The following ALG1 variants were observed in gnomAD, a reference collection of about 807,000 sequenced individuals.
ALG1 encodes the protein ALG1 chitobiosyldiphosphodolichol beta-mannosyltransferase.
A neutral mutation model predicts 55.1 loss-of-function variants in ALG1; 58 were observed. That is an observed-to-expected ratio of 1.05 (90% CI 0.85 to 1.31). The LOEUF is 1.31. Among genes scored for constraint, ALG1 ranks in the 50% most tolerant of loss-of-function variants. The probability of loss-of-function intolerance (pLI) is 0.00; values close to 1 mark genes in which losing one functional copy is unlikely to be tolerated. For missense variants in ALG1, 761 were observed against 598.6 expected (o/e 1.27, Z -2.83); for synonymous variants, 309 against 247.0 (o/e 1.25, Z -2.35).
intron 4 of ALG1, among the ~76,000 whole-genome samples, chr16:5,076,705 G>T (rs963179260): frequency 8.6e-5 from 13 of 151,926 alleles, no homozygotes; most frequent in Admixed American, 3.3e-4. Flanking sequence ...TTTGCCCCAC[G>T]TTGAGAGCAA....
rs754386350 is a variant in ALG1 at position 5,077,976 on chromosome 16, C to G, written c.699C>G (p.Leu233=). 2 of 1,602,980 alleles carry G rather than the reference C, an allele frequency of 1.2e-6. No homozygotes were observed. Among genetic ancestry groups the G allele is most frequent in the South Asian group, 2.2e-5 (2 of 90,994 alleles). ...KETPLDLQHR[L]FMKLGSMHSP... ...CACCTCTGGACCTGCAGCACCGGCTCTTCATGAAGCTGGGCAGCATGCACT... is the reference window on the plus strand; with the variant it reads ...CACCTCTGGACCTGCAGCACCGGCTGTTCATGAAGCTGGGCAGCATGCACT... The change falls in exon 6 of 13, where the codon CTC becomes CTG. Residue 233 remains leucine, a synonymous_variant. Coordinates refer to ENST00000262374, the MANE Select transcript of ALG1 (RefSeq NM_019109.5).
chr16:5,074,209 G>A lies in ALG1; in HGVS notation c.390+953G>A, dbSNP rs901916637. Among the ~76,000 whole-genome samples the A allele has an allele frequency of 2.0e-5, 3 of 151,202 alleles. No individual in the cohort carries two copies. The East Asian group carries it at 5.9e-4, about 30-fold the overall frequency. On this transcript the variant is annotated intron_variant, in intron 3 of 12. Coordinates refer to ENST00000262374, the MANE Select transcript of ALG1 (RefSeq NM_019109.5). ...TGCTCAGGCTGGAGTGCAGTGGTGC[G>A]ATCTTGGCTCACTGCACCTTCTACC... is the stretch of plus-strand genomic sequence containing the variant.
At chr16:5,078,988 T>C in intron 7 of ALG1, 76 bp from the exon 8 acceptor site, 1 of 1,596,900 alleles carries the variant, frequency 6.3e-7, no homozygotes, top group Non-Finnish European at 8.5e-7. Context: ...ACGGTCTCAA[T>C]GAGAACGGGA....
chr16:5,084,630 G>A lies in ALG1; in HGVS notation c.1264-120G>A. ...TGTGAAGGGTCTCGAGTCCAAGTGA[G>A]GGAGTTAGGGACTTGGGAGGGGTTG... is the stretch of plus-strand genomic sequence containing the variant. On this transcript the variant is annotated intron_variant, in intron 12 of 12. Coordinates refer to ENST00000262374, the MANE Select transcript of ALG1 (RefSeq NM_019109.5). The A allele has an allele frequency of 4.8e-6, 7 of 1,471,122 alleles. No homozygotes were observed. The South Asian group carries it at 8.1e-5, about 17-fold the overall frequency. 91.1% of individuals were successfully genotyped at this position (1,471,122 alleles called of 1,614,324 possible).
intron 6 of ALG1, chr16:5,078,393 T>C: frequency 1.7e-6 from 1 of 590,586 alleles, no homozygotes; most frequent in Non-Finnish European, 3.2e-6. Flanking sequence ...CTGGGGTGTC[T>C]CATGGGGCTA....
intron 6 of ALG1, 173 bp from the exon 7 acceptor site, chr16:5,078,584 A>G (rs1170910326): frequency 2.7e-6 from 3 of 1,104,284 alleles, no homozygotes; most frequent in East Asian, 2.5e-5. Flanking sequence ...CCCAGCAACA[A>G]TATTAGAGAA....
At chr16:5,079,226 G>C in intron 8 of ALG1, 124 bp downstream of exon 8, 2 of 1,347,948 alleles carry the variant, frequency 1.5e-6, no homozygotes, top group Middle Eastern at 2.5e-4. Context: ...GGGGACAGCG[G>C]GGGTGGTGGA....
rs1380453380 is a variant in ALG1, at chr16:5,075,380, T to G, written c.391-8T>G. On this transcript the variant is annotated splice_polypyrimidine_tract_variant and splice_region_variant and intron_variant, in intron 3 of 12. Transcript: ENST00000262374. ...GTTTCCTCCCCTTCAAGTCTCTATCTTTCCTAGAACCCCCCAGGTCTGCCT... is the reference window on the plus strand; with the variant it reads ...GTTTCCTCCCCTTCAAGTCTCTATCGTTCCTAGAACCCCCCAGGTCTGCCT... 1 of 1,614,010 alleles carries G rather than the reference T, an allele frequency of 6.2e-7. No homozygotes were observed. The highest frequency in any genetic ancestry group is 1.3e-5 in the African/African-American group (1 of 74,934).
chr16:5,084,970 C>T lies in ALG1; in HGVS notation c.*89C>T. On this transcript the variant is annotated 3_prime_UTR_variant, in exon 13 of 13. Coordinates refer to ENST00000262374, the MANE Select transcript of ALG1 (RefSeq NM_019109.5). ...TCTCAGGGCAAACCCTTTCGAGCAG[C>T]ACCTCCCAGTGGCCAGAAGCTGAAA... 1 of 1,590,382 alleles carries T rather than the reference C, an allele frequency of 6.3e-7. No individual in the cohort carries two copies. The highest frequency in any genetic ancestry group is 8.5e-7 in the Non-Finnish European group (1 of 1,174,408).
In ALG1 at chr16:5,077,546, T is replaced by C; in HGVS notation, c.629+12T>C. On this transcript the variant is annotated intron_variant, in intron 5 of 12. Transcript: ENST00000262374. ...AACTGGCACATCAGGTACCATGGCC[T>C]GGGATGACGGCGGCCTGGGAGAGGC... 1.2e-6 allele frequency: 2 copies of C among 1,613,914 alleles called. No homozygotes were observed. Among genetic ancestry groups the C allele is most frequent in the Non-Finnish European group, 1.7e-6 (2 of 1,179,798 alleles).
rs1219969980 is a variant in ALG1 at position 5,086,374 on chromosome 16, CCA to C, written c.*1506_*1507del. On this transcript the variant is annotated 3_prime_UTR_variant, in exon 13 of 13. Coordinates refer to ENST00000262374, the MANE Select transcript of ALG1 (RefSeq NM_019109.5). Reference sequence around the variant, plus strand: ...AAAACCACACGCACCACACACACACCCACACACACACACAGCTTAGAAGGGGC... The same window carrying C: ...AAAACCACACGCACCACACACACACCCACACACACACAGCTTAGAAGGGGC... 1.3e-4 allele frequency: 19 copies of C among 150,442 alleles called. No individual in the cohort carries two copies. Among genetic ancestry groups the C allele is most frequent in the Middle Eastern group, 3.4e-3 (1 of 290 alleles). The allele number at this position is 150,442 out of a possible 1,614,324, so 9.3% of individuals were successfully genotyped here. A position where few individuals can be genotyped will look rare whatever the true frequency, so the allele number is the denominator to read the frequency against.
chr16:5,078,948 C>T (rs1435912724), intron 7 of ALG1, 70 bp downstream of exon 7: 12 of 1,595,694 alleles, frequency 7.5e-6, no homozygotes, highest in Admixed American at 1.8e-5. Context: ...TCTCCTCACC[C>T]CTGCCAGTCC....
intron 3 of ALG1, among the ~76,000 whole-genome samples, chr16:5,074,270 T>C (rs1430071906): frequency 6.6e-6 from 1 of 152,034 alleles, no homozygotes; most frequent in South Asian, 2.1e-4. Flanking sequence ...CTCAGCCTCC[T>C]GAGTAGCTGG....
At chr16:5,076,107 C>A (rs143757375) in intron 4 of ALG1, among the ~76,000 whole-genome samples, 2 of 152,310 alleles carry the variant, frequency 1.3e-5, no homozygotes, top group African/African-American at 4.8e-5. Context: ...GGAAGAAGGG[C>A]CAGTGGTAGC....
rs777949225 is a variant in ALG1, at chr16:5,077,513, T to G, written c.608T>G (p.Leu203Arg). The G allele has an allele frequency of 1.9e-6, 3 of 1,614,202 alleles. No homozygotes were observed. The highest frequency in any genetic ancestry group is 2.5e-6 in the Non-Finnish European group (3 of 1,180,032). Residue 203 changes from leucine to arginine, a missense_variant, in exon 5 of 13, where the codon CTG (leucine) becomes CGG (arginine). Transcript: ENST00000262374. ...LCVTNAMRED[L>R]ADNWHIRAVT... ...GTTACCAATGCTATGCGAGAAGACC[T>G]GGCGGATAACTGGCACATCAGGTAC...
intron 1 of ALG1, 165 bp downstream of exon 1, chr16:5,072,222 C>T: frequency 2.0e-6 from 3 of 1,523,830 alleles, no homozygotes; most frequent in Non-Finnish European, 2.6e-6. Context: ...GGGTGGGTCT[C>T]TAGGTATAGC....
chr16:5,076,620 C>G lies in ALG1; in HGVS notation c.540-825C>G, dbSNP rs527678521. 4.6e-5 allele frequency among the ~76,000 whole-genome samples: 7 copies of G among 152,214 alleles called. No homozygotes were observed. In the South Asian group the frequency reaches 1.2e-3, roughly 27 times the overall value. On this transcript the variant is annotated intron_variant, in intron 4 of 12. Transcript: ENST00000262374. ...ATAAATAACCCAGAATCGCGCATGC[C>G]GTGTTCCGGCTCTACCCTGCGATCA...
Position 5,073,175 on chromosome 16 carries a change from C to A in ALG1, c.309C>A (p.Tyr103Ter), listed in dbSNP as rs199553558. Residue 103 changes from tyrosine (Y) to a stop codon, truncating the protein, a stop_gained, in exon 3 of 13, where the codon TAC becomes TAA. Coordinates refer to ENST00000262374, the MANE Select transcript of ALG1 (RefSeq NM_019109.5). LOFTEE classifies it high-confidence loss of function. Reference sequence around the variant, plus strand: ...CAGTTGGGCCCCGAGTTTTCCAGTACGGAGTCAAAGTTGTACTTCAGGCTA... The same window carrying A: ...CAGTTGGGCCCCGAGTTTTCCAGTAAGGAGTCAAAGTTGTACTTCAGGCTA... The part of the protein sequence containing the change: ...SLAVGPRVFQ[Y>*]GVKVVLQAMY... The A allele has an allele frequency of 6.2e-7, 1 of 1,614,122 alleles. No individual in the cohort carries two copies. Among genetic ancestry groups the A allele is most frequent in the East Asian group, 2.2e-5 (1 of 44,882 alleles).
rs777655485 is a variant in ALG1 at position 5,073,257 on chromosome 16, G to A, written c.390+1G>A. ...GCCAGGTGCCTATATCTTTCTCCAG[G>A]TGTGTATCAGCCTCTGCCTCCCTCT... On this transcript the variant is annotated splice_donor_variant, in intron 3 of 12. Transcript: ENST00000262374. LOFTEE classifies it high-confidence loss of function. The A allele has an allele frequency of 6.2e-7, 1 of 1,613,516 alleles. No homozygotes were observed. Among genetic ancestry groups the A allele is most frequent in the South Asian group, 1.1e-5 (1 of 91,054 alleles).
Sources: gnomAD v4.1 joint callset for allele counts (sites outside exome capture counted in the v4.1 genomes callset) on GRCh38, gnomAD v4.1.1 for gene constraint, MANE v1.5 for transcripts, NCBI Gene and HGNC (gene_info 2026-07-23, HGNC 2026-07-21) for gene names.